PFDN4: variants seen among roughly 807,000 people sequenced by gnomAD.
PFDN4 encodes prefoldin 4.
PFDN4 carries 6 observed loss-of-function variants against 17.6 expected under a neutral mutation model. The observed-to-expected ratio is 0.34, with a 90% CI of 0.19 to 0.67. The LOEUF (loss-of-function observed/expected upper bound fraction) is 0.67, where lower values mean the gene tolerates loss of function less well. PFDN4 is among the 30% of genes least tolerant of loss of function. PFDN4 has a pLI of 0.68. For missense variants in PFDN4, 119 were observed against 158.4 expected (o/e 0.75, Z 1.33); for synonymous variants, 48 against 51.1 (o/e 0.94, Z 0.26).
chr20:54,217,284 G>A (rs753750296), intron 3 of PFDN4, among the ~76,000 whole-genome samples: 25 of 152,030 alleles, frequency 1.6e-4, no homozygotes, highest in Non-Finnish European at 5.9e-5. Context: ...AGAAAGGGGC[G>A]GCGGGGGGCG....
At chr20:54,210,896 TTAAA>T (rs2092754915) in intron 1 of PFDN4, among the ~76,000 whole-genome samples, 1 of 152,178 alleles carries the variant, frequency 6.6e-6, no homozygotes, top group African/African-American at 2.4e-5. Flanking sequence ...ACAGTAATTG[TTAAA>T]TAAACTACTG....
intron 3 of PFDN4, among the ~76,000 whole-genome samples, chr20:54,215,737 G>A (rs2092761643): frequency 6.6e-6 from 1 of 152,216 alleles, no homozygotes; most frequent in South Asian, 2.1e-4. Flanking sequence ...TATTTAGAAG[G>A]TATAGCATAT....
intron 2 of PFDN4, 92 bp from the exon 3 acceptor site, chr20:54,215,208 C>G: frequency 1.2e-6 from 1 of 811,212 alleles, no homozygotes; most frequent in Non-Finnish European, 2.0e-6. Context: ...TGAGAGGGTC[C>G]CTCAGAGAGT....
At position 54,210,421 on chromosome 20, in the gene PFDN4, CAG is replaced by C. The variant is rs370795562; in HGVS notation, c.24+2305_24+2306del. On this transcript the variant is annotated intron_variant, in intron 1 of 3. Coordinates refer to ENST00000371419, the MANE Select transcript of PFDN4 (RefSeq NM_002623.4). ...TGTATGCCAGTGAGTGAGAGTGAAA[CAG>C]AGAGAGATAGCCCTTTGAGTTTAAT... Among the ~76,000 whole-genome samples, 909 of 152,280 alleles carry C rather than the reference CAG, an allele frequency of 6.0e-3. 7 individuals are homozygous for C. Among genetic ancestry groups the C allele is most frequent in the Admixed American group, 9.0e-3 (137 of 15,296 alleles).
Position 54,211,107 on chromosome 20 carries a change from G to A in PFDN4, c.24+2983G>A, listed in dbSNP as rs150487749. 6.0e-3 allele frequency among the ~76,000 whole-genome samples: 911 copies of A among 152,140 alleles called. 7 individuals carry two copies. The highest frequency in any genetic ancestry group is 9.0e-3 in the Admixed American group (137 of 15,276). ...CAAAAACAAAAAAACAAACAAAGAA[G>A]GTTGAATACAAATACAAAGCAAAAG... is the stretch of plus-strand genomic sequence containing the variant. On this transcript the variant is annotated intron_variant, in intron 1 of 3. Transcript: ENST00000371419.
At chr20:54,217,152 G>A (rs559963205) in intron 3 of PFDN4, among the ~76,000 whole-genome samples, 2 of 152,196 alleles carry the variant, frequency 1.3e-5, no homozygotes, top group South Asian at 4.2e-4. Flanking sequence ...AGTGATATGA[G>A]GATAGAGGTG....
intron 1 of PFDN4, among the ~76,000 whole-genome samples, chr20:54,212,536 A>G (rs759888920): frequency 6.6e-6 from 1 of 152,244 alleles, no homozygotes; most frequent in Non-Finnish European, 1.5e-5. Context: ...CATTTTGGAA[A>G]CTATGTGTTT....
In PFDN4 at chr20:54,219,060, G is replaced by A; in HGVS notation, c.315G>A (p.Val105=). The A allele has an allele frequency of 6.3e-7, 1 of 1,582,984 alleles. No homozygotes were observed. Among genetic ancestry groups the A allele is most frequent in the South Asian group, 1.2e-5 (1 of 85,952 alleles). Residue 105 remains valine (V), a synonymous_variant, in exon 4 of 4, where the codon GTG becomes GTA. Transcript: ENST00000371419. ...AAATTGACGCCTTAGAATCCAGAGT[G>A]GAATCAATTCAGCGAGTGTTAGCAG... The part of the protein sequence containing the change: ...QEEIDALESR[V]ESIQRVLADL...
chr20:54,213,733 CTT>C (rs920323157), intron 1 of PFDN4, among the ~76,000 whole-genome samples: 8 of 152,120 alleles, frequency 5.3e-5, no homozygotes, highest in African/African-American at 1.7e-4. Context: ...TCCAAGTACT[CTT>C]TATTTGCAAA....
chr20:54,216,327 G>A (rs2092762372), intron 3 of PFDN4, among the ~76,000 whole-genome samples: 1 of 152,276 alleles, frequency 6.6e-6, no homozygotes, highest in East Asian at 1.9e-4. Context: ...TAATGCTTTT[G>A]CTAATTAACC....
intron 3 of PFDN4, 79 bp downstream of exon 3, chr20:54,215,519 G>A: frequency 2.3e-6 from 2 of 887,560 alleles, no homozygotes; most frequent in Non-Finnish European, 3.4e-6. Flanking sequence ...GGAAATAGTA[G>A]ATGCTAGCTA....
intron 1 of PFDN4, chr20:54,208,395 T>G: frequency 4.8e-6 from 2 of 419,108 alleles, no homozygotes; most frequent in Admixed American, 9.2e-5. Context: ...ATGCCGAGGG[T>G]GCCCCCGGGG....
chr20:54,210,700 C>A (rs2092754625), intron 1 of PFDN4, among the ~76,000 whole-genome samples: 1 of 152,208 alleles, frequency 6.6e-6, no homozygotes, highest in Non-Finnish European at 1.5e-5. Flanking sequence ...GCCTCCTTCA[C>A]TCCCCAGGCC....
chr20:54,208,147 T>C (rs1382523943), intron 1 of PFDN4, 23 bp downstream of exon 1: 8 of 1,536,646 alleles, frequency 5.2e-6, no homozygotes, highest in Non-Finnish European at 7.0e-6. Context: ...CTCGGGGCTC[T>C]GGATGCTCGG....
At chr20:54,218,133 GA>G (rs1481224713) in intron 3 of PFDN4, among the ~76,000 whole-genome samples, 1 of 148,624 alleles carries the variant, frequency 6.7e-6, no homozygotes, top group African/African-American at 2.5e-5. Context: ...TCATGTTTAG[GA>G]AAAAAAATTG....
rs2092767116 is a variant in PFDN4, at chr20:54,219,577, A to G, written c.*427A>G. 2.5e-6 allele frequency: 1 copy of G among 393,588 alleles called. No homozygotes were observed. The highest frequency in any genetic ancestry group is 4.4e-5 in the Admixed American group (1 of 22,612). The allele number at this position is 393,588 out of a possible 1,614,324, so 24.4% of individuals were successfully genotyped here. ...CTGCATCCTTGCTTATTTCACAACTAAAGCTTTGTCATAGACTTCAAAATA... is the reference window on the plus strand; with the variant it reads ...CTGCATCCTTGCTTATTTCACAACTGAAGCTTTGTCATAGACTTCAAAATA... On this transcript the variant is annotated 3_prime_UTR_variant, in exon 4 of 4. Transcript: ENST00000371419.
chr20:54,216,028 A>G (rs557311767), intron 3 of PFDN4, among the ~76,000 whole-genome samples: 10 of 152,356 alleles, frequency 6.6e-5, no homozygotes, highest in Admixed American at 4.6e-4. Flanking sequence ...ATGGTTATCA[A>G]TTGGGGTCAC....
chr20:54,216,549 AT>A (rs1017590902), intron 3 of PFDN4, among the ~76,000 whole-genome samples: 1 of 152,164 alleles, frequency 6.6e-6, no homozygotes, highest in African/African-American at 2.4e-5. Flanking sequence ...TTTAAAAAAC[AT>A]TTTTATTGGA....
Position 54,214,334 on chromosome 20 carries a change from T to G in PFDN4, c.25-17T>G. The stretch of plus-strand genomic sequence containing the variant: ...TTCTCCGTTAAAATTTTACAAAAAC[T>G]TAAACACTTCTTTCAGGCTGCAGAA... On this transcript the variant is annotated splice_polypyrimidine_tract_variant and intron_variant, in intron 1 of 3. Coordinates refer to ENST00000371419, the MANE Select transcript of PFDN4 (RefSeq NM_002623.4). 2.1e-6 allele frequency: 3 copies of G among 1,437,162 alleles called. No homozygotes were observed. The South Asian group carries it at 3.7e-5, about 18-fold the overall frequency. The allele number at this position is 1,437,162 out of a possible 1,614,324, so 89.0% of individuals were successfully genotyped here.
Sources: allele counts gnomAD v4.1 joint callset (sites outside exome capture counted in the v4.1 genomes callset), GRCh38; gene constraint gnomAD v4.1.1; transcripts MANE v1.5; gene names NCBI Gene and HGNC (gene_info 2026-07-23, HGNC 2026-07-21).